The following GRIP1 variants were observed in gnomAD, a reference collection of about 807,000 sequenced individuals.
GRIP1 encodes glutamate receptor interacting protein 1.
In GRIP1, 45 loss-of-function variants were observed where a neutral mutation model predicts 129.9. The observed-to-expected ratio is 0.35, with a 90% CI of 0.27 to 0.44. The LOEUF (loss-of-function observed/expected upper bound fraction) is 0.44. Among genes scored for constraint, GRIP1 ranks in the 20% least tolerant of loss-of-function variants. The pLI is 1.00. For synonymous variants in GRIP1, 530 were observed against 520.8 expected (o/e 1.02, Z -0.24); for missense variants, 1,196 against 1,396.8 (o/e 0.86, Z 2.29).
chr12:66,604,080 C>A (rs917279681), intron 1 of GRIP1, among the ~76,000 whole-genome samples: 3 of 152,150 alleles, frequency 2.0e-5, no homozygotes, highest in African/African-American at 7.2e-5. Context: ...TACAAATTTG[C>A]TTCCTTGCAT....
intron 1 of GRIP1, among the ~76,000 whole-genome samples, chr12:66,747,026 T>G (rs73327093): frequency 6.6e-6 from 1 of 152,166 alleles, no homozygotes; most frequent in African/African-American, 2.4e-5. Context: ...GTTGAGCTGA[T>G]TAGCTAAGAT....
At chr12:66,968,476 G>A (rs990695845) in intron 1 of GRIP1, among the ~76,000 whole-genome samples, 2 of 151,738 alleles carry the variant, frequency 1.3e-5, no homozygotes, top group African/African-American at 2.4e-5. Flanking sequence ...TTAATTGAGC[G>A]TTTTATATAA....
At chr12:66,730,719 A>C (rs1461799957) in intron 1 of GRIP1, among the ~76,000 whole-genome samples, 1 of 151,732 alleles carries the variant, frequency 6.6e-6, no homozygotes, top group African/African-American at 2.4e-5. Flanking sequence ...AAAAAAAAAA[A>C]AACTCATACA....
chr12:66,736,764 A>G (rs1380241736), intron 1 of GRIP1, among the ~76,000 whole-genome samples: 1 of 152,180 alleles, frequency 6.6e-6, no homozygotes, highest in Non-Finnish European at 1.5e-5. Flanking sequence ...TGAAAAATTT[A>G]AAAAGATATT....
intron 1 of GRIP1, among the ~76,000 whole-genome samples, chr12:66,928,139 A>T (rs1445942761): frequency 1.3e-5 from 2 of 152,194 alleles, no homozygotes; most frequent in Non-Finnish European, 2.9e-5. Context: ...TGTTTATGCC[A>T]GTTTTAGTGG....
At chr12:66,850,357 T>C (rs530029104) in intron 1 of GRIP1, among the ~76,000 whole-genome samples, 14 of 152,160 alleles carry the variant, frequency 9.2e-5, no homozygotes, top group Non-Finnish European at 1.5e-4. Context: ...TTTCAAGATG[T>C]TGGAATACTT....
At chr12:67,065,133 CTTTA>C (rs1386378228) in intron 1 of GRIP1, 5 of 151,982 alleles carry the variant, frequency 3.3e-5, no homozygotes, top group African/African-American at 9.7e-5. Flanking sequence ...TATAAAAGCT[CTTTA>C]TTTATATCTA....
At chr12:66,399,109 T>C (rs1366868889) in intron 16 of GRIP1, among the ~76,000 whole-genome samples, 2 of 151,944 alleles carry the variant, frequency 1.3e-5, no homozygotes, top group Admixed American at 1.3e-4. Context: ...TAGTTTCCTT[T>C]TCTAAGACAT....
At chr12:66,372,756 G>GA (rs35922443) in intron 22 of GRIP1, among the ~76,000 whole-genome samples, 240 of 145,984 alleles carry the variant, frequency 1.6e-3, no homozygotes, top group South Asian at 0.011. Flanking sequence ...CTCAGAACTG[G>GA]AAAAAAAAAA....
At chr12:66,477,544 G>A (rs1226866549) in intron 7 of GRIP1, among the ~76,000 whole-genome samples, 1 of 151,756 alleles carries the variant, frequency 6.6e-6, no homozygotes, top group Non-Finnish European at 1.5e-5. Context: ...AGTTCATATG[G>A]AACCAAAAAA....
chr12:66,910,709 G>C (rs1398991844), intron 1 of GRIP1, among the ~76,000 whole-genome samples: 1 of 152,116 alleles, frequency 6.6e-6, no homozygotes, highest in African/African-American at 2.4e-5. Context: ...GAGAATCAAA[G>C]AATTAGAAAT....
intron 1 of GRIP1, among the ~76,000 whole-genome samples, chr12:66,622,715 T>G (rs1466751799): frequency 6.6e-6 from 1 of 152,102 alleles, no homozygotes; most frequent in African/African-American, 2.4e-5. Context: ...ATTTCCCCCT[T>G]GCCATCTAAC....
At chr12:66,583,154 C>T (rs78861249) in intron 2 of GRIP1, among the ~76,000 whole-genome samples, 123 of 149,536 alleles carry the variant, frequency 8.2e-4, no homozygotes, top group African/African-American at 2.3e-3. Context: ...CAAGCAATGG[C>T]GAAAGGATTC....
At chr12:66,420,684 G>A (rs759148483) in intron 15 of GRIP1, 36 bp downstream of exon 15, 2 of 1,090,618 alleles carry the variant, frequency 1.8e-6, no homozygotes, top group Non-Finnish European at 2.8e-6. Context: ...AATTAAGAGA[G>A]GCCTTAAAAT....
chr12:66,539,545 CTTTTTTTTT>C (rs35373698), intron 3 of GRIP1, among the ~76,000 whole-genome samples: 2 of 59,288 alleles, frequency 3.4e-5, no homozygotes, highest in Non-Finnish European at 6.0e-5. Flanking sequence ...TCAAGAGAAG[CTTTTTTTTT>C]TTTTTTTTTT....
chr12:66,386,742 AAG>A (rs1343910168), intron 19 of GRIP1, among the ~76,000 whole-genome samples: 5 of 152,248 alleles, frequency 3.3e-5, no homozygotes, highest in African/African-American at 1.2e-4. Flanking sequence ...TAGTACAGGA[AAG>A]AGAGCCAGTT....
intron 1 of GRIP1, among the ~76,000 whole-genome samples, chr12:66,854,230 C>T (rs1417456303): frequency 6.6e-6 from 1 of 151,972 alleles, no homozygotes; most frequent in South Asian, 2.1e-4. Context: ...GAGGAGGAGA[C>T]AGGGAAGGCC....
chr12:66,813,557 G>A (rs1347401009), intron 1 of GRIP1, among the ~76,000 whole-genome samples: 1 of 152,186 alleles, frequency 6.6e-6, no homozygotes, highest in Non-Finnish European at 1.5e-5. Flanking sequence ...TTTGAATGGG[G>A]AGAGCTGAGA....
At chr12:66,837,537 G>A (rs1386569895) in intron 1 of GRIP1, among the ~76,000 whole-genome samples, 4 of 152,170 alleles carry the variant, frequency 2.6e-5, no homozygotes, top group Non-Finnish European at 5.9e-5. Context: ...AGTGAAATGA[G>A]GCTGGGGAAG....
Sources: gnomAD v4.1 joint callset for allele counts (sites outside exome capture counted in the v4.1 genomes callset) on GRCh38, gnomAD v4.1.1 for gene constraint, MANE v1.5 for transcripts, NCBI Gene and HGNC (gene_info 2026-07-23, HGNC 2026-07-21) for gene names.